The following SEMA5A variants were observed in gnomAD, a reference collection of about 807,000 sequenced individuals.
SEMA5A encodes the protein semaphorin-5A.
In SEMA5A, 55 loss-of-function variants were observed where a neutral mutation model predicts 135.5. The ratio of observed to expected loss-of-function variants is 0.41; its 90% confidence interval spans 0.33 to 0.51. The LOEUF (loss-of-function observed/expected upper bound fraction) is 0.51. SEMA5A is among the 20% of genes least tolerant of loss of function. The probability of loss-of-function intolerance (pLI) is 0.37; values close to 1 mark genes in which losing one functional copy is unlikely to be tolerated. For synonymous variants in SEMA5A, 580 were observed against 546.5 expected (o/e 1.06, Z -0.85); for missense variants, 1,290 against 1,419.9 (o/e 0.91, Z 1.47).
chr5:9,277,923 T>A (rs1750348718), intron 5 of SEMA5A, among the ~76,000 whole-genome samples: 1 of 152,066 alleles, frequency 6.6e-6, no homozygotes, highest in Non-Finnish European at 1.5e-5. Flanking sequence ...CAGACTTGCA[T>A]GTTCCGCACA....
At chr5:9,455,305 G>A (rs1758792444) in intron 1 of SEMA5A, among the ~76,000 whole-genome samples, 2 of 151,274 alleles carry the variant, frequency 1.3e-5, no homozygotes, top group Non-Finnish European at 2.9e-5. Context: ...ACCCAGACTG[G>A]AGTGCAGTGG....
chr5:9,295,112 A>C (rs1359537615), intron 5 of SEMA5A, among the ~76,000 whole-genome samples: 1 of 152,184 alleles, frequency 6.6e-6, no homozygotes, highest in Admixed American at 6.5e-5. Context: ...CCCACAAAGT[A>C]TGACTCACAA....
chr5:9,202,050 G>A lies in SEMA5A; in HGVS notation c.837C>T (p.Ser279=). The change falls in exon 9 of 23, where the codon TCC becomes TCT. Residue 279 remains serine (S), a synonymous_variant. Coordinates refer to ENST00000382496, the MANE Select transcript of SEMA5A (RefSeq NM_003966.3). ...AGTAAAAGGGGACTTCCCCAGGACG[G>A]GAGCAGTTCAGGCGAGCCTTCATGA... ...TTFMKARLNC[S]RPGEVPFYYN... 1 of 1,614,202 alleles carries A rather than the reference G, an allele frequency of 6.2e-7. No individual in the cohort carries two copies. The highest frequency in any genetic ancestry group is 8.5e-7 in the Non-Finnish European group (1 of 1,180,036).
rs144749134 is a variant in SEMA5A at position 9,332,090 on chromosome 5, G to A, written c.224+5623C>T. On this transcript the variant is annotated intron_variant, in intron 4 of 22. Transcript: ENST00000382496. ...GCAGTTATGGGCTGGTACTCACATC[G>A]GGTCAGAAGTACAAGGTGTGTAGTT... Among the ~76,000 whole-genome samples the A allele has an allele frequency of 3.8e-3, 574 of 151,802 alleles. 10 individuals carry two copies. The highest frequency in any genetic ancestry group is 9.7e-3 in the East Asian group (50 of 5,134).
At chr5:9,513,124 T>C (rs1736306167) in intron 1 of SEMA5A, among the ~76,000 whole-genome samples, 2 of 149,772 alleles carry the variant, frequency 1.3e-5, no homozygotes, top group Admixed American at 6.7e-5. Context: ...TATGTTGATG[T>C]GAATTTTCAT....
chr5:9,254,023 T>C (rs1486981396), intron 5 of SEMA5A, among the ~76,000 whole-genome samples: 1 of 152,122 alleles, frequency 6.6e-6, no homozygotes, highest in Non-Finnish European at 1.5e-5. Flanking sequence ...ACATACAAAA[T>C]AGAAATAGAA....
chr5:9,537,932 C>A (rs1737857837), intron 1 of SEMA5A, among the ~76,000 whole-genome samples: 1 of 152,158 alleles, frequency 6.6e-6, no homozygotes, highest in African/African-American at 2.4e-5. Flanking sequence ...GGACCATGGA[C>A]CACCTGTGCC....
chr5:9,402,337 A>G (rs190207698), intron 2 of SEMA5A, among the ~76,000 whole-genome samples: 1 of 152,336 alleles, frequency 6.6e-6, no homozygotes, highest in East Asian at 1.9e-4. Context: ...GACTTTATCT[A>G]TGATTCCTCC....
chr5:9,075,222 T>C (rs577342501), intron 16 of SEMA5A, among the ~76,000 whole-genome samples: 188 of 152,356 alleles, frequency 1.2e-3, no homozygotes, highest in Middle Eastern at 3.4e-3. Flanking sequence ...CATACACTGC[T>C]GATAGCATTG....
chr5:9,092,177 T>C (rs1465937487), intron 16 of SEMA5A, among the ~76,000 whole-genome samples: 1 of 152,192 alleles, frequency 6.6e-6, no homozygotes, highest in Non-Finnish European at 1.5e-5. Context: ...TCCAGGCTTA[T>C]TGTGAGACAA....
intron 16 of SEMA5A, among the ~76,000 whole-genome samples, chr5:9,105,965 C>T (rs984401755): frequency 6.6e-6 from 1 of 152,050 alleles, no homozygotes; most frequent in Non-Finnish European, 1.5e-5. Flanking sequence ...CCAAAGAAAC[C>T]GAGCCCTTCC....
intron 11 of SEMA5A, 133 bp downstream of exon 11, chr5:9,190,134 G>A (rs148769232): frequency 6.4e-5 from 52 of 809,562 alleles, no homozygotes; most frequent in African/African-American, 6.0e-4. Context: ...AGTGAGCATC[G>A]CGGGTTTTGC....
chr5:9,450,380 C>T (rs1006537117), intron 1 of SEMA5A, among the ~76,000 whole-genome samples: 1 of 152,180 alleles, frequency 6.6e-6, no homozygotes, highest in Non-Finnish European at 1.5e-5. Context: ...AGGCCAGTTG[C>T]TAAGTATACA....
intron 1 of SEMA5A, among the ~76,000 whole-genome samples, chr5:9,543,817 T>G (rs1561337659): frequency 7.1e-6 from 1 of 141,160 alleles, no homozygotes; most frequent in Non-Finnish European, 1.5e-5. Context: ...ACAATTACAC[T>G]TAGGGCTGTA....
At chr5:9,467,902 G>C (rs922620888) in intron 1 of SEMA5A, among the ~76,000 whole-genome samples, 4 of 152,194 alleles carry the variant, frequency 2.6e-5, no homozygotes, top group African/African-American at 9.7e-5. Flanking sequence ...ACCATTCGGG[G>C]CACTAAAACT....
intron 6 of SEMA5A, among the ~76,000 whole-genome samples, chr5:9,233,471 T>C (rs1747741297): frequency 6.6e-6 from 1 of 152,072 alleles, no homozygotes; most frequent in South Asian, 2.1e-4. Flanking sequence ...CCCCCACTTT[T>C]TTTCCCCCAT....
chr5:9,239,931 A>G (rs1748111278), intron 5 of SEMA5A, among the ~76,000 whole-genome samples: 1 of 152,120 alleles, frequency 6.6e-6, no homozygotes, highest in African/African-American at 2.4e-5. Flanking sequence ...TATTTACCAA[A>G]TGCCATCAAA....
intron 5 of SEMA5A, among the ~76,000 whole-genome samples, chr5:9,251,199 C>T (rs953122815): frequency 2.0e-5 from 3 of 152,120 alleles, no homozygotes; most frequent in Non-Finnish European, 4.4e-5. Flanking sequence ...TAGTCAGAAG[C>T]TGGCACCAAA....
chr5:9,351,954 A>T lies in SEMA5A; in HGVS notation c.125-14142T>A, dbSNP rs1247213610. Among the ~76,000 whole-genome samples the T allele has an allele frequency of 4.6e-5, 7 of 152,016 alleles. No homozygotes were observed. In the East Asian group the frequency reaches 1.4e-3, roughly 29 times the overall value. On this transcript the variant is annotated intron_variant, in intron 3 of 22. Coordinates refer to ENST00000382496, the MANE Select transcript of SEMA5A (RefSeq NM_003966.3). Reference sequence around the variant, plus strand: ...CTCCGCTGCTTTTCACTTCTCTCTCATCGTTCATTCAAGGAGACCCCCTTA... The same window carrying T: ...CTCCGCTGCTTTTCACTTCTCTCTCTTCGTTCATTCAAGGAGACCCCCTTA...
Sources: allele counts gnomAD v4.1 joint callset (sites outside exome capture counted in the v4.1 genomes callset), GRCh38; gene constraint gnomAD v4.1.1; transcripts MANE v1.5; gene names NCBI Gene and HGNC (gene_info 2026-07-23, HGNC 2026-07-21).